Variants in RMDN2 observed in about 807,000 individuals in gnomAD.
The protein encoded by RMDN2 is regulator of microtubule dynamics 2.
Under a neutral mutation model 52.8 loss-of-function variants are expected in RMDN2, and 61 were observed. The ratio of observed to expected loss-of-function variants is 1.16; its 90% CI spans 0.94 to 1.43. The LOEUF (loss-of-function observed/expected upper bound fraction) is 1.43, where lower values mean the gene tolerates loss of function less well. Among genes scored for constraint, RMDN2 ranks in the 40% most tolerant of loss-of-function variants. The pLI is 0.00. For synonymous variants in RMDN2, 180 were observed against 153.1 expected, an observed-to-expected ratio of 1.18 and a Z score of -1.30; for missense variants, 592 against 475.3, an observed-to-expected ratio of 1.25 and a Z score of -2.28.
chr2:37,921,178 A>C (rs1219449976), upstream of RMDN2, among the ~76,000 whole-genome samples: 1 of 152,228 alleles, frequency 6.6e-6, no homozygotes, highest in East Asian at 1.9e-4. Context: ...TGTTCAGTAT[A>C]GGAGTATTAG....
chr2:37,989,635 T>C lies in RMDN2; in HGVS notation c.867+19T>C. The stretch of plus-strand genomic sequence containing the variant: ...CTTCAAGGTATTTCTTTTTTTTTTT[T>C]CATATTTCTTTTCAGATCCAGACAT... On this transcript the variant is annotated intron_variant, in intron 6 of 10. Transcript: ENST00000354545. 1.2e-5 allele frequency: 18 copies of C among 1,486,976 alleles called. No individual in the cohort carries two copies. Among genetic ancestry groups the C allele is most frequent in the Non-Finnish European group, 1.7e-5 (18 of 1,077,408 alleles). 92.1% of individuals were successfully genotyped at this position (1,486,976 alleles called of 1,614,324 possible).
At chr2:37,964,522 G>T (rs1490885915) in intron 2 of RMDN2, among the ~76,000 whole-genome samples, 1 of 152,082 alleles carries the variant, frequency 6.6e-6, no homozygotes, top group Non-Finnish European at 1.5e-5. Flanking sequence ...CTAGTTTCAT[G>T]TTTATTGTGA....
At chr2:37,998,824 G>A (rs965088074) in intron 8 of RMDN2, among the ~76,000 whole-genome samples, 1 of 152,070 alleles carries the variant, frequency 6.6e-6, no homozygotes, top group Non-Finnish European at 1.5e-5. Context: ...AATACCTCAG[G>A]AACTTAATTT....
At chr2:37,969,014 G>C (rs1453626419) in intron 2 of RMDN2, among the ~76,000 whole-genome samples, 1 of 150,520 alleles carries the variant, frequency 6.6e-6, no homozygotes, top group African/African-American at 2.4e-5. Flanking sequence ...GTTCAAAGTA[G>C]GAAACCAATT....
intron 10 of RMDN2, among the ~76,000 whole-genome samples, chr2:38,014,591 GAC>G (rs1678482039): frequency 6.6e-6 from 1 of 152,190 alleles, no homozygotes; most frequent in Non-Finnish European, 1.5e-5. Flanking sequence ...GGAGAATAAT[GAC>G]AGTTTAATGT....
chr2:37,970,729 T>G (rs2125058568), intron 2 of RMDN2, among the ~76,000 whole-genome samples: 1 of 152,292 alleles, frequency 6.6e-6, no homozygotes, highest in South Asian at 2.1e-4. Context: ...TGTAATTCAT[T>G]TAATGGCTAT....
At chr2:38,028,871 G>T (rs188322930) in intron 10 of RMDN2, among the ~76,000 whole-genome samples, 2 of 152,214 alleles carry the variant, frequency 1.3e-5, no homozygotes, top group Non-Finnish European at 1.5e-5. Flanking sequence ...CCAGAAAAAA[G>T]CTGTAACTGG....
At chr2:37,971,891 A>C (rs572141813) in intron 2 of RMDN2, among the ~76,000 whole-genome samples, 1 of 152,336 alleles carries the variant, frequency 6.6e-6, no homozygotes, top group South Asian at 2.1e-4. Context: ...AATTCCTATT[A>C]GGCTTATAAA....
At chr2:37,932,908 G>T (rs1275987382) in intron 2 of RMDN2, among the ~76,000 whole-genome samples, 1 of 148,926 alleles carries the variant, frequency 6.7e-6, no homozygotes, top group African/African-American at 2.5e-5. Context: ...CTGGCCGGGC[G>T]GGGGGCTGAC....
At chr2:37,963,886 G>C (rs1364477666) in intron 2 of RMDN2, among the ~76,000 whole-genome samples, 1 of 139,884 alleles carries the variant, frequency 7.1e-6, no homozygotes, top group African/African-American at 2.5e-5. Flanking sequence ...TTCCCAGCAG[G>C]GGCGGCGGGG....
At chr2:38,021,618 G>C (rs1026630033), downstream of RMDN2, among the ~76,000 whole-genome samples, 2 of 152,112 alleles carry the variant, frequency 1.3e-5, no homozygotes, top group Non-Finnish European at 2.9e-5. Flanking sequence ...CACTCACCGC[G>C]AGGGTCCACG....
At chr2:37,991,880 A>G (rs1312742692) in intron 7 of RMDN2, among the ~76,000 whole-genome samples, 1 of 152,218 alleles carries the variant, frequency 6.6e-6, no homozygotes, top group African/African-American at 2.4e-5. Flanking sequence ...TGACACTATT[A>G]GTTTATAGAA....
At chr2:37,977,915 G>A (rs186864125) in intron 4 of RMDN2, among the ~76,000 whole-genome samples, 64 of 152,074 alleles carry the variant, frequency 4.2e-4, no homozygotes, top group Non-Finnish European at 8.1e-4. Flanking sequence ...TTCCTAGATG[G>A]GGTGGCGGCC....
chr2:37,994,288 T>C (rs534874457), intron 7 of RMDN2, among the ~76,000 whole-genome samples: 2 of 152,336 alleles, frequency 1.3e-5, no homozygotes, highest in East Asian at 1.9e-4. Context: ...ATCGGATAGA[T>C]GAGCAGCATG....
intron 1 of RMDN2, among the ~76,000 whole-genome samples, chr2:37,925,931 CA>C (rs1666243983): frequency 6.6e-6 from 1 of 152,156 alleles, no homozygotes; most frequent in Non-Finnish European, 1.5e-5. Flanking sequence ...GGGAATGAGG[CA>C]AACACTTGGG....
intron 2 of RMDN2, chr2:37,963,341 ATC>A (rs1670537980): frequency 3.0e-5 from 2 of 66,516 alleles, no homozygotes; most frequent in Non-Finnish European, 6.1e-5. Context: ...TTTTTAATTG[ATC>A]ATTCTTGGGT....
chr2:38,032,838 C>CA (rs1003050577), intron 10 of RMDN2: 3 of 150,226 alleles, frequency 2.0e-5, no homozygotes, highest in Non-Finnish European at 1.5e-5. Flanking sequence ...GAGTCCGTCA[C>CA]AAAAAATGTA....
intron 1 of RMDN2, among the ~76,000 whole-genome samples, chr2:37,928,321 A>G (rs539611370): frequency 1.4e-4 from 22 of 152,358 alleles, no homozygotes; most frequent in African/African-American, 5.1e-4. Flanking sequence ...TTGCGAGCCC[A>G]GAAATCCTAA....
intron 10 of RMDN2, among the ~76,000 whole-genome samples, chr2:38,034,230 A>G (rs1296455613): frequency 1.3e-5 from 2 of 152,222 alleles, no homozygotes; most frequent in Non-Finnish European, 2.9e-5. Flanking sequence ...TGAGAAGAGC[A>G]TCCTTCAGCC....
Sources: allele counts gnomAD v4.1 joint callset (sites outside exome capture counted in the v4.1 genomes callset), GRCh38; gene constraint gnomAD v4.1.1; transcripts MANE v1.5; gene names NCBI Gene and HGNC (gene_info 2026-07-23, HGNC 2026-07-21).